Variants in C4orf36 observed in about 807,000 individuals in gnomAD.
C4orf36 encodes chromosome 4 open reading frame 36.
A neutral mutation model predicts 12.2 loss-of-function variants in C4orf36; 11 were observed. The observed-to-expected ratio is 0.90, with a 90% CI of 0.57 to 1.49. C4orf36 has a LOEUF of 1.49. Ranked by LOEUF, C4orf36 falls within the 40% of genes most tolerant of loss-of-function variation. The probability of loss-of-function intolerance (pLI) is 0.00; values close to 1 mark genes in which losing one functional copy is unlikely to be tolerated. For synonymous variants in C4orf36, 54 were observed against 51.3 expected, an observed-to-expected ratio of 1.05 and a Z score of -0.22; for missense variants, 137 against 133.9, an observed-to-expected ratio of 1.02 and a Z score of -0.11.
the C4orf36 span, among the ~76,000 whole-genome samples, chr4:86,911,019 G>A: frequency 1.6e-3 from 249 of 152,306 alleles, no homozygotes; most frequent in Non-Finnish European, 1.8e-3. Flanking sequence ...GGAGGCAGAA[G>A]TTGTAGTGGG....
At chr4:86,897,870 C>T in the C4orf36 span, among the ~76,000 whole-genome samples, 1 of 152,186 alleles carries the variant, frequency 6.6e-6, no homozygotes, top group African/African-American at 2.4e-5. Context: ...CAGCTTATAC[C>T]AGGAAAGCTC....
chr4:86,910,348 T>TTA, the C4orf36 span, among the ~76,000 whole-genome samples: 1 of 150,958 alleles, frequency 6.6e-6, no homozygotes, highest in African/African-American at 2.4e-5. Flanking sequence ...GGAGGTGGAG[T>TTA]TTGCAGTGAG....
chr4:86,884,873 T>G (rs1480914389), intron 4 of C4orf36, among the ~76,000 whole-genome samples: 10 of 152,182 alleles, frequency 6.6e-5, no homozygotes, highest in Non-Finnish European at 4.4e-5. Context: ...TTGAATTAAT[T>G]TTTGTGTAAG....
At chr4:86,905,395 TAAATA>T in the C4orf36 span, among the ~76,000 whole-genome samples, 1 of 151,112 alleles carries the variant, frequency 6.6e-6, no homozygotes, top group Non-Finnish European at 1.5e-5. Context: ...AATAAATAAA[TAAATA>T]AAATAGCCAG....
the C4orf36 span, among the ~76,000 whole-genome samples, chr4:86,900,074 C>T: frequency 6.6e-6 from 1 of 151,726 alleles, no homozygotes; most frequent in Non-Finnish European, 1.5e-5. Flanking sequence ...CTCACTCTGC[C>T]GCCCAGGCTG....
At chr4:86,885,780 T>A (rs2149420959) in intron 4 of C4orf36, among the ~76,000 whole-genome samples, 1 of 152,322 alleles carries the variant, frequency 6.6e-6, no homozygotes, top group Non-Finnish European at 1.5e-5. Flanking sequence ...TTGTGCCAGT[T>A]TTCAAAGGGA....
chr4:86,914,903 T>G, the C4orf36 span: 1 of 322,722 alleles, frequency 3.1e-6, no homozygotes, highest in Non-Finnish European at 5.8e-6. Context: ...CTCTGGGCAG[T>G]CAATGCAAAC....
chr4:86,913,392 C>T, the C4orf36 span: 273 of 771,472 alleles, frequency 3.5e-4, 1 homozygote, highest in African/African-American at 2.5e-3. Flanking sequence ...TGATGCTATT[C>T]GGGTGCAGCA....
At chr4:86,883,560 C>T (rs1243384068) in intron 4 of C4orf36, among the ~76,000 whole-genome samples, 1 of 152,144 alleles carries the variant, frequency 6.6e-6, no homozygotes, top group African/African-American at 2.4e-5. Flanking sequence ...AGTAGGTATA[C>T]CTGTATTATC....
chr4:86,931,483 C>G, the C4orf36 span, among the ~76,000 whole-genome samples: 2 of 152,098 alleles, frequency 1.3e-5, no homozygotes, highest in Non-Finnish European at 2.9e-5. Context: ...AACGCATCCT[C>G]GACCTCCAGG....
upstream of C4orf36, among the ~76,000 whole-genome samples, chr4:86,893,344 G>A (rs1747500093): frequency 6.6e-6 from 1 of 152,210 alleles, no homozygotes; most frequent in Non-Finnish European, 1.5e-5. Flanking sequence ...AGCAATTTGG[G>A]AGGCCGAGAG....
the C4orf36 span, among the ~76,000 whole-genome samples, chr4:86,898,412 A>G: frequency 1.3e-5 from 2 of 150,602 alleles, no homozygotes; most frequent in African/African-American, 4.9e-5. Context: ...AAAATATATC[A>G]TTGGGCCAGG....
chr4:86,891,632 G>T, intron 1 of C4orf36, 39 bp from the exon 2 acceptor site: 1 of 1,523,248 alleles, frequency 6.6e-7, no homozygotes, highest in South Asian at 1.3e-5. Flanking sequence ...TGCCTCTCAC[G>T]TGAATATTTT....
At chr4:86,930,360 TAAG>T in the C4orf36 span, among the ~76,000 whole-genome samples, 9 of 152,252 alleles carry the variant, frequency 5.9e-5, no homozygotes, top group South Asian at 1.9e-3. Context: ...TGTATAGTGT[TAAG>T]AACATGGCCT....
At chr4:86,877,208 A>C (rs908716000) in intron 4 of C4orf36, among the ~76,000 whole-genome samples, 4 of 152,232 alleles carry the variant, frequency 2.6e-5, no homozygotes, top group African/African-American at 9.6e-5. Flanking sequence ...ATGAAAACAC[A>C]CTAAATTTCT....
chr4:86,916,206 C>T, the C4orf36 span, among the ~76,000 whole-genome samples: 9 of 152,072 alleles, frequency 5.9e-5, no homozygotes, highest in Admixed American at 5.9e-4. Flanking sequence ...GATTGAAACA[C>T]TGGTGACAAA....
the C4orf36 span, chr4:86,925,874 C>G: frequency 7.0e-6 from 1 of 142,952 alleles, no homozygotes; most frequent in Non-Finnish European, 1.5e-5. Flanking sequence ...CTTTTTTTTT[C>G]CTTTTTTTTT....
chr4:86,879,165 T>C (rs1746988856), intron 4 of C4orf36, among the ~76,000 whole-genome samples: 1 of 152,112 alleles, frequency 6.6e-6, no homozygotes, highest in Non-Finnish European at 1.5e-5. Context: ...CAGGAAAACA[T>C]GGCCTGATCA....
the C4orf36 span, among the ~76,000 whole-genome samples, chr4:86,909,893 T>TA: frequency 0.036 from 2,636 of 72,876 alleles, 99 homozygotes; most frequent in African/African-American, 0.092. Context: ...GAGGAAGACT[T>TA]AAAAAAAAAA....
Sources: allele counts gnomAD v4.1 joint callset (sites outside exome capture counted in the v4.1 genomes callset), GRCh38; gene constraint gnomAD v4.1.1; transcripts MANE v1.5; gene names NCBI Gene and HGNC (gene_info 2026-07-23, HGNC 2026-07-21).